RBM45: variants seen among roughly 807,000 people sequenced by gnomAD.
RBM45 encodes the protein RNA-binding protein 45.
Under a neutral mutation model 58.5 loss-of-function variants are expected in RBM45, and 39 were observed. The observed-to-expected ratio is 0.67, with a 90% CI of 0.52 to 0.87. RBM45 has a LOEUF of 0.87. RBM45 is among the 40% of genes least tolerant of loss of function. RBM45 has a pLI of 0.00. For missense variants in RBM45, 481 were observed against 581.6 expected, an observed-to-expected ratio of 0.83 and a Z score of 1.78; for synonymous variants, 193 against 203.0, an observed-to-expected ratio of 0.95 and a Z score of 0.42.
chr2:178,125,976 T>C lies in RBM45; in HGVS notation c.1233-8T>C. On this transcript the variant is annotated splice_polypyrimidine_tract_variant and splice_region_variant and intron_variant, in intron 8 of 9. Coordinates refer to ENST00000286070, the MANE Select transcript of RBM45 (RefSeq NM_152945.4). ...TTTTGGTTGATTATTTTTTTCACTTTGTTTCAGTCGTTTTGGTAACCTGAT... is the reference window on the plus strand; with the variant it reads ...TTTTGGTTGATTATTTTTTTCACTTCGTTTCAGTCGTTTTGGTAACCTGAT... 6.2e-7 allele frequency: 1 copy of C among 1,609,180 alleles called. No homozygotes were observed. Among genetic ancestry groups the C allele is most frequent in the South Asian group, 1.1e-5 (1 of 90,774 alleles).
chr2:178,128,836 T>C (rs994530301), intron 9 of RBM45, among the ~76,000 whole-genome samples: 3 of 152,206 alleles, frequency 2.0e-5, no homozygotes, highest in African/African-American at 7.2e-5. Context: ...TTTGTTGGTG[T>C]ATTAAATAAA....
intron 9 of RBM45, among the ~76,000 whole-genome samples, chr2:178,127,397 T>C (rs970047277): frequency 2.6e-5 from 4 of 152,186 alleles, no homozygotes; most frequent in African/African-American, 9.6e-5. Flanking sequence ...TCACTTAAGA[T>C]TTTCTTTCTG....
Position 178,112,773 on chromosome 2 carries a change from G to C in RBM45, c.227G>C (p.Ser76Thr), listed in dbSNP as rs1326987220. The C allele has an allele frequency of 6.2e-7, 1 of 1,613,924 alleles. No homozygotes were observed. The highest frequency in any genetic ancestry group is 2.2e-5 in the East Asian group (1 of 44,892). The change falls in exon 1 of 10, where the codon AGC (serine) becomes ACC (threonine). Residue 76 changes from serine to threonine, a missense_variant. Coordinates refer to ENST00000286070, the MANE Select transcript of RBM45 (RefSeq NM_152945.4). ...ATTGCTTTCGTCAAGTTCGCCCGCA[G>C]CTCACAGGCCTGCAGGGCCATGGAG... ...KGIAFVKFAR[S>T]SQACRAMEEM...
chr2:178,129,121 A>G (rs1336301073), intron 9 of RBM45, among the ~76,000 whole-genome samples: 1 of 152,212 alleles, frequency 6.6e-6, no homozygotes, highest in Non-Finnish European at 1.5e-5. Flanking sequence ...TGATAACCAC[A>G]ATGTAATTCT....
rs1337825501 is a variant in RBM45, at chr2:178,118,130, C to T, written c.499C>T (p.Arg167Ter). 5 of 1,612,616 alleles carry T rather than the reference C, an allele frequency of 3.1e-6. No individual in the cohort carries two copies. Among genetic ancestry groups the T allele is most frequent in the African/African-American group, 1.3e-5 (1 of 74,860 alleles). The change falls in exon 3 of 10, where the codon CGA becomes TGA. Residue 167 changes from arginine (R) to a stop codon, truncating the protein, a stop_gained. Transcript: ENST00000286070. LOFTEE classifies it high-confidence loss of function. ...TGESKGLGYVRYLKPSQAAQA... is the reference protein window; with the variant it reads ...TGESKGLGYV The stretch of plus-strand genomic sequence containing the variant: ...AGAAAGTAAAGGTTTGGGCTACGTA[C>T]GATACTTAAAACCATCACAAGCTGC...
chr2:178,116,151 G>A, intron 1 of RBM45, 111 bp from the exon 2 acceptor site: 1 of 1,341,080 alleles, frequency 7.5e-7, no homozygotes, highest in Non-Finnish European at 9.9e-7. Context: ...TTGAGACCCT[G>A]TCTCAAAGAT....
Position 178,118,116 on chromosome 2 carries a change from G to C in RBM45, c.485G>C (p.Gly162Ala). Residue 162 changes from glycine (G) to alanine (A), a missense_variant, in exon 3 of 10, where the codon GGT becomes GCT. Physicochemically the swap from Gly to Ala is moderately conservative, Grantham distance 60. Coordinates refer to ENST00000286070, the MANE Select transcript of RBM45 (RefSeq NM_152945.4). ...IKNKVTGESKGLGYVRYLKPS... is the reference protein window; with the variant it reads ...IKNKVTGESKALGYVRYLKPS... The stretch of plus-strand genomic sequence containing the variant: ...AATAAAGTGACTGGAGAAAGTAAAG[G>C]TTTGGGCTACGTACGATACTTAAAA... 6.2e-7 allele frequency: 1 copy of C among 1,612,836 alleles called. No homozygotes were observed. Among genetic ancestry groups the C allele is most frequent in the Non-Finnish European group, 8.5e-7 (1 of 1,179,186 alleles).
At chr2:178,123,271 C>T (rs778159184) in intron 5 of RBM45, among the ~76,000 whole-genome samples, 3 of 152,100 alleles carry the variant, frequency 2.0e-5, no homozygotes, top group South Asian at 2.1e-4. Context: ...TTAGACAGGA[C>T]GTATGTTAAT....
intron 1 of RBM45, among the ~76,000 whole-genome samples, chr2:178,113,432 T>G (rs188218908): frequency 6.6e-6 from 1 of 152,338 alleles, no homozygotes; most frequent in East Asian, 1.9e-4. Flanking sequence ...CTTCACATTT[T>G]GTTATTTTGG....
At chr2:178,119,986 T>A (rs1167247250) in intron 3 of RBM45, among the ~76,000 whole-genome samples, 3 of 152,170 alleles carry the variant, frequency 2.0e-5, no homozygotes, top group Non-Finnish European at 4.4e-5. Flanking sequence ...GATTTTAATG[T>A]TGAGGAGCTT....
exon 4 of RBM45, chr2:178,138,172 A>C (rs1242572840): frequency 6.6e-6 from 1 of 152,162 alleles, no homozygotes; most frequent in Non-Finnish European, 1.5e-5. Flanking sequence ...AGATGGAGGG[A>C]AGTTCCCCCA....
exon 4 of RBM45, chr2:178,138,406 A>G (rs1029695942): frequency 2.0e-5 from 3 of 152,216 alleles, no homozygotes; most frequent in Admixed American, 1.3e-4. Context: ...GATGTTCCCA[A>G]TAAACAATAA....
At chr2:178,133,874 A>G (rs2088024002), downstream of RBM45, 1 of 152,246 alleles carries the variant, frequency 6.6e-6, no homozygotes, top group Non-Finnish European at 1.5e-5. Flanking sequence ...CAGTAGCTCA[A>G]GAACACATGG....
At chr2:178,129,259 G>A (rs184638676) in intron 9 of RBM45, 138 bp from the exon 10 acceptor site, 28 of 152,212 alleles carry the variant, frequency 1.8e-4, no homozygotes, top group African/African-American at 6.7e-4. Flanking sequence ...TTTTATTTGG[G>A]GGCAGCTATG....
At chr2:178,117,921 C>T (rs2087798905) in intron 2 of RBM45, 134 bp from the exon 3 acceptor site, 3 of 523,748 alleles carry the variant, frequency 5.7e-6, no homozygotes, top group South Asian at 4.7e-5. Context: ...TACAAATATG[C>T]AATATCTGCA....
chr2:178,117,684 A>G (rs901408149), intron 2 of RBM45, among the ~76,000 whole-genome samples: 1 of 152,190 alleles, frequency 6.6e-6, no homozygotes, highest in Non-Finnish European at 1.5e-5. Context: ...CCTCTTTAAT[A>G]AAGAGGTAGG....
intron 1 of RBM45, among the ~76,000 whole-genome samples, chr2:178,114,721 G>A (rs1016962447): frequency 2.0e-5 from 3 of 151,920 alleles, no homozygotes; most frequent in East Asian, 1.9e-4. Context: ...CCTCCCTCTC[G>A]AGTAGCTGGG....
chr2:178,133,038 C>G (rs79000037), downstream of RBM45, among the ~76,000 whole-genome samples: 10,458 of 152,244 alleles, frequency 0.069, 480 homozygotes, highest in Non-Finnish European at 0.1. Flanking sequence ...TTGGAATATA[C>G]TGGCCCAAAG....
intron 1 of RBM45, among the ~76,000 whole-genome samples, 169 bp from the exon 2 acceptor site, chr2:178,116,093 C>T (rs1307829703): frequency 6.6e-6 from 1 of 151,016 alleles, no homozygotes; most frequent in Non-Finnish European, 1.5e-5. Context: ...TTGAGACTGC[C>T]GTGAGCCATG....
Sources: gnomAD v4.1 joint callset for allele counts (sites outside exome capture counted in the v4.1 genomes callset) on GRCh38, gnomAD v4.1.1 for gene constraint, MANE v1.5 for transcripts, NCBI Gene and HGNC (gene_info 2026-07-23, HGNC 2026-07-21) for gene names.